Variants in LITAF observed in about 807,000 individuals in gnomAD.
The protein encoded by LITAF is lipopolysaccharide induced TNF factor.
Under a neutral mutation model 14.5 loss-of-function variants are expected in LITAF, and 9 were observed. That is an observed-to-expected ratio of 0.62 (90% CI 0.37 to 1.08). The LOEUF is 1.08. LITAF is among the 50% of genes least tolerant of loss of function. The pLI is 0.01. For synonymous variants in LITAF, 98 were observed against 88.2 expected (o/e 1.11, Z -0.62); for missense variants, 206 against 213.4 (o/e 0.97, Z 0.22).
intron 3 of LITAF, among the ~76,000 whole-genome samples, chr16:11,614,544 C>T (rs575159857): frequency 6.6e-6 from 1 of 152,234 alleles, no homozygotes; most frequent in African/African-American, 2.4e-5. Flanking sequence ...AAGTGACCTG[C>T]CTGCCTTGGC....
intron 3 of LITAF, among the ~76,000 whole-genome samples, chr16:11,618,340 A>C (rs1292246840): frequency 6.6e-6 from 1 of 152,164 alleles, no homozygotes; most frequent in Non-Finnish European, 1.5e-5. Flanking sequence ...GCGGGAGGAG[A>C]GCCCTGAATT....
At chr16:11,599,576 G>C (rs1416453281), upstream of LITAF, among the ~76,000 whole-genome samples, 1 of 152,132 alleles carries the variant, frequency 6.6e-6, no homozygotes, top group East Asian at 1.9e-4. Context: ...AATGGTCCTA[G>C]CCAAGCAAAT....
intron 3 of LITAF, among the ~76,000 whole-genome samples, chr16:11,607,682 A>G (rs1417931947): frequency 1.3e-5 from 2 of 152,216 alleles, no homozygotes; most frequent in East Asian, 3.8e-4. Flanking sequence ...TGAATGCAAA[A>G]AAAAATTTAA....
chr16:11,609,056 C>T (rs55949003), intron 3 of LITAF, among the ~76,000 whole-genome samples: 1 of 151,590 alleles, frequency 6.6e-6, no homozygotes, highest in Non-Finnish European at 1.5e-5. Flanking sequence ...AGACAGAAAG[C>T]GGATTCATGG....
chr16:11,557,326 C>T (rs563202021), intron 1 of LITAF, among the ~76,000 whole-genome samples: 102 of 148,134 alleles, frequency 6.9e-4, no homozygotes, highest in Non-Finnish European at 1.3e-3. Flanking sequence ...GGGGCCTTTG[C>T]GGGGGGCGGG....
chr16:11,566,242 C>A (rs900291915), intron 1 of LITAF, among the ~76,000 whole-genome samples: 1 of 152,192 alleles, frequency 6.6e-6, no homozygotes, highest in African/African-American at 2.4e-5. Flanking sequence ...TGCATCCCAG[C>A]ACCTAGAAAG....
At chr16:11,574,208 A>T (rs1198927414) in intron 1 of LITAF, among the ~76,000 whole-genome samples, 2 of 151,764 alleles carry the variant, frequency 1.3e-5, no homozygotes, top group Non-Finnish European at 2.9e-5. Flanking sequence ...CACCTAGCTA[A>T]TTTTTTTATT....
At chr16:11,623,436 C>T (rs2065063480) in intron 3 of LITAF, among the ~76,000 whole-genome samples, 1 of 151,102 alleles carries the variant, frequency 6.6e-6, no homozygotes, top group African/African-American at 2.4e-5. Context: ...CCGAGGCGGA[C>T]AGATTACGAG....
In LITAF at chr16:11,553,952, C is replaced by A. The variant is rs1483298198; in HGVS notation, c.221-263G>T. 6.6e-6 allele frequency among the ~76,000 whole-genome samples: 1 copy of A among 152,096 alleles called. No homozygotes were observed. The highest frequency in any genetic ancestry group is 2.4e-5 in the African/African-American group (1 of 41,418). On this transcript the variant is annotated intron_variant, in intron 2 of 3. Transcript: ENST00000622633. The surrounding 1 kb of genome is among the most constrained non-coding windows in gnomAD (Gnocchi z 7.7). ...TTCAGCCTCAAAAAGAAAGGAGGACCGGGCGCGGTAGCTCATGCCTGTAAT... is the reference window on the plus strand; with the variant it reads ...TTCAGCCTCAAAAAGAAAGGAGGACAGGGCGCGGTAGCTCATGCCTGTAAT...
chr16:11,598,239 T>C (rs12599556), intron 1 of LITAF: 4,691 of 150,300 alleles, frequency 0.031, 147 homozygotes, highest in East Asian at 0.15. Flanking sequence ...GTTTCTCTCC[T>C]CTCTTGGGGC....
At chr16:11,616,999 C>A (rs1417826609) in intron 3 of LITAF, among the ~76,000 whole-genome samples, 3 of 151,038 alleles carry the variant, frequency 2.0e-5, no homozygotes, top group Admixed American at 6.6e-5. Flanking sequence ...GCAGGCAGAT[C>A]ACCTGAGGTC....
chr16:11,615,911 G>C (rs2065016869), intron 3 of LITAF, among the ~76,000 whole-genome samples: 1 of 152,122 alleles, frequency 6.6e-6, no homozygotes, highest in Non-Finnish European at 1.5e-5. Flanking sequence ...AGAAGGTTCA[G>C]TTCACCCACT....
At chr16:11,560,597 T>C (rs371339090) in intron 1 of LITAF, among the ~76,000 whole-genome samples, 1 of 131,656 alleles carries the variant, frequency 7.6e-6, no homozygotes, top group East Asian at 2.2e-4. Context: ...AAAAAAAAAA[T>C]GTAGCTACTA....
chr16:11,564,642 T>C (rs1215405393), intron 1 of LITAF, among the ~76,000 whole-genome samples: 2 of 151,940 alleles, frequency 1.3e-5, no homozygotes, highest in African/African-American at 2.4e-5. Context: ...TTCATGATTA[T>C]GGTATCGCTC....
chr16:11,548,614 C>T lies in LITAF; in HGVS notation c.*1023G>A. ...TTTTTTTTTTTTTTAAGTGAGACTACATTGGCAAATGGGAAAATGACACCA... is the reference window on the plus strand; with the variant it reads ...TTTTTTTTTTTTTTAAGTGAGACTATATTGGCAAATGGGAAAATGACACCA... On this transcript the variant is annotated 3_prime_UTR_variant, in exon 4 of 4. Transcript: ENST00000622633. 1 of 447,348 alleles carries T rather than the reference C, an allele frequency of 2.2e-6. No individual in the cohort carries two copies. The highest frequency in any genetic ancestry group is 4.4e-6 in the Non-Finnish European group (1 of 225,216). The allele number at this position is 447,348 out of a possible 1,614,324, so 27.7% of individuals were successfully genotyped here.
At chr16:11,550,213 C>CT (rs2064163006) in intron 3 of LITAF, among the ~76,000 whole-genome samples, 1 of 152,228 alleles carries the variant, frequency 6.6e-6, no homozygotes, top group South Asian at 2.1e-4. Flanking sequence ...CCTCAGCCTC[C>CT]TGAGTAGCTG....
chr16:11,624,854 ACT>A (rs1396714175), intron 3 of LITAF, among the ~76,000 whole-genome samples: 1 of 152,070 alleles, frequency 6.6e-6, no homozygotes, highest in African/African-American at 2.4e-5. Context: ...GGTAGAAGTG[ACT>A]CTACAAATTT....
intron 1 of LITAF, among the ~76,000 whole-genome samples, chr16:11,596,933 T>C (rs2141858736): frequency 6.6e-6 from 1 of 152,180 alleles, no homozygotes; most frequent in Middle Eastern, 3.4e-3. Flanking sequence ...ACCATCTCAT[T>C]TTCTCCTTAC....
chr16:11,570,829 G>A (rs1169030783), intron 1 of LITAF, among the ~76,000 whole-genome samples: 1 of 151,972 alleles, frequency 6.6e-6, no homozygotes, highest in East Asian at 1.9e-4. Context: ...GAAGGAGGTT[G>A]GGGGGTGGGG....
Sources: gnomAD v4.1 joint callset for allele counts (sites outside exome capture counted in the v4.1 genomes callset) on GRCh38, gnomAD v4.1.1 for gene constraint, Gnocchi (gnomAD v3.1) non-coding constraint, MANE v1.5 for transcripts, NCBI Gene and HGNC (gene_info 2026-07-23, HGNC 2026-07-21) for gene names.